SRSF11: variants seen among roughly 807,000 people sequenced by gnomAD.
The protein encoded by SRSF11 is serine/arginine-rich splicing factor 11.
Under a neutral mutation model 56.0 loss-of-function variants are expected in SRSF11, and 9 were observed. That is an observed-to-expected ratio of 0.16 (90% CI 0.10 to 0.28). The LOEUF is 0.28. Ranked by LOEUF, SRSF11 falls within the 10% of genes least tolerant of loss-of-function variation. SRSF11 has a pLI of 1.00. For synonymous variants in SRSF11, 222 were observed against 215.3 expected (o/e 1.03, Z -0.27); for missense variants, 421 against 600.7 (o/e 0.70, Z 3.13).
chr1:70,236,695 A>G (rs547082594), intron 5 of SRSF11, among the ~76,000 whole-genome samples: 2 of 149,842 alleles, frequency 1.3e-5, no homozygotes, highest in Non-Finnish European at 3.0e-5. Context: ...TCAAGACTTC[A>G]TGTGTAATTT....
In SRSF11 at chr1:70,234,744, G is replaced by A; in HGVS notation, c.496G>A (p.Ala166Thr). ...TTTGGGGGCTCCTACTCTTGATCCT[G>A]CCCTTGCTGCACTTGGGCTTCCTGG... ...AALGAPTLDP[A>T]LAALGLPGAN... is the part of the protein sequence containing the mutation. The change falls in exon 4 of 12, where the codon GCC becomes ACC. Residue 166 changes from alanine (A) to threonine (T), a missense_variant. This residue lies in a region of SRSF11 where 168 missense variants were observed against 294.9 expected (regional missense o/e 0.57). Transcript: ENST00000370949. 6.2e-7 allele frequency: 1 copy of A among 1,610,682 alleles called. No individual in the cohort carries two copies. The highest frequency in any genetic ancestry group is 8.5e-7 in the Non-Finnish European group (1 of 1,178,314).
Position 70,221,799 on chromosome 1 carries a change from T to A in SRSF11, c.163T>A (p.Phe55Ile). The A allele has an allele frequency of 6.2e-7, 1 of 1,614,080 alleles. No individual in the cohort carries two copies. The highest frequency in any genetic ancestry group is 8.5e-7 in the Non-Finnish European group (1 of 1,180,030). The change falls in exon 1 of 12, where the codon TTC (phenylalanine) becomes ATC (isoleucine). Residue 55 changes from phenylalanine to isoleucine, a missense_variant. Physicochemically the swap from Phe to Ile is conservative, Grantham distance 21. Coordinates refer to ENST00000370949, the MANE Select transcript of SRSF11 (RefSeq NM_001350605.2). ...TGAGCAGATGCGGACTCTCTTCGGTTTCCTAGGCAAGATCGACGAACTGCG... is the reference window on the plus strand; with the variant it reads ...TGAGCAGATGCGGACTCTCTTCGGTATCCTAGGCAAGATCGACGAACTGCG... ...SSEQMRTLFG[F>I]LGKIDELRLF... is the part of the protein sequence containing the mutation.
At chr1:70,241,333 ACT>A (rs1349035205) in intron 7 of SRSF11, among the ~76,000 whole-genome samples, 5 of 151,960 alleles carry the variant, frequency 3.3e-5, no homozygotes, top group Admixed American at 3.3e-4. Context: ...TGATCTTTTC[ACT>A]CTGTTTTTAT....
intron 2 of SRSF11, chr1:70,228,835 T>A: frequency 9.1e-7 from 1 of 1,093,546 alleles, no homozygotes; most frequent in African/African-American, 1.7e-5. Context: ...ATACATCTAC[T>A]TAGTTAATTT....
At chr1:70,237,388 A>C in intron 5 of SRSF11, 37 bp from the exon 6 acceptor site, 1 of 1,603,810 alleles carries the variant, frequency 6.2e-7, no homozygotes, top group Non-Finnish European at 8.5e-7. Flanking sequence ...TGTGCATTTT[A>C]AAATATTTCA....
In SRSF11 at chr1:70,221,702, AGGT is replaced by A. The variant is rs747577652; in HGVS notation, c.75_77del (p.Gly31del). The A allele has an allele frequency of 8.7e-6, 14 of 1,611,074 alleles. No individual in the cohort carries two copies. Among genetic ancestry groups the A allele is most frequent in the South Asian group, 4.4e-5 (4 of 90,842 alleles). On this transcript the variant is annotated inframe_deletion, in exon 1 of 12. Coordinates refer to ENST00000370949, the MANE Select transcript of SRSF11 (RefSeq NM_001350605.2). ...GCCCCAGCGGCGGGCCCGGTGGCGG[AGGT>A]GGTGGTGGCGGCGGAGGCGGCGGCA... is the stretch of plus-strand genomic sequence containing the variant.
chr1:70,237,970 T>A (rs754123042), intron 6 of SRSF11, among the ~76,000 whole-genome samples: 4 of 152,224 alleles, frequency 2.6e-5, no homozygotes, highest in Admixed American at 6.5e-5. Context: ...ATGATATTTC[T>A]TTAAAGAAAA....
Position 70,229,407 on chromosome 1 carries a change from G to A in SRSF11, c.337+852G>A, listed in dbSNP as rs1672451362. 7.4e-6 allele frequency: 8 copies of A among 1,075,692 alleles called. No individual in the cohort carries two copies. The South Asian group carries it at 1.7e-4, about 23-fold the overall frequency. The allele number at this position is 1,075,692 out of a possible 1,614,324, so 66.6% of individuals were successfully genotyped here. The stretch of plus-strand genomic sequence containing the variant: ...TTAAAGTAATTTGACAGAAAAAAAT[G>A]AGCAGGTTTTTTGGATCTAAAAAGC... On this transcript the variant is annotated intron_variant, in intron 2 of 11. Transcript: ENST00000370949.
At chr1:70,249,095 G>A (rs537204893) in intron 9 of SRSF11, 1 of 152,108 alleles carries the variant, frequency 6.6e-6, no homozygotes, top group South Asian at 2.1e-4. Context: ...AGGAGGGGAA[G>A]GCTGTATATC....
intron 10 of SRSF11, 90 bp from the exon 11 acceptor site, chr1:70,250,275 T>G (rs1230817995): frequency 6.4e-7 from 1 of 1,550,818 alleles, no homozygotes; most frequent in Admixed American, 2.1e-5. Flanking sequence ...AGTTGGATCT[T>G]TGCTGTACTA....
At chr1:70,217,569 C>A (rs1281118295), upstream of SRSF11, among the ~76,000 whole-genome samples, 1 of 152,126 alleles carries the variant, frequency 6.6e-6, no homozygotes, top group Admixed American at 6.5e-5. Context: ...ATCCTTGGAA[C>A]AGATTTACGT....
At chr1:70,226,590 C>T (rs1671839396) in intron 1 of SRSF11, among the ~76,000 whole-genome samples, 1 of 152,110 alleles carries the variant, frequency 6.6e-6, no homozygotes, top group Non-Finnish European at 1.5e-5. Flanking sequence ...TGGTAGAGGT[C>T]AGTTTTAAGA....
chr1:70,236,202 T>A (rs974795368), intron 5 of SRSF11, among the ~76,000 whole-genome samples: 1 of 152,162 alleles, frequency 6.6e-6, no homozygotes, highest in Non-Finnish European at 1.5e-5. Flanking sequence ...TCACCCAGCT[T>A]ATAAAATAAA....
rs1381256340 is a variant in SRSF11 at position 70,246,803 on chromosome 1, G to A, written c.933-15G>A. ...GAGTCTTCTAATGCATTCATAAATT[G>A]TGTTCATTTGTTAGAGACAAAAAGA... On this transcript the variant is annotated splice_polypyrimidine_tract_variant and intron_variant, in intron 8 of 11. Coordinates refer to ENST00000370949, the MANE Select transcript of SRSF11 (RefSeq NM_001350605.2). 4 of 1,575,872 alleles carry A rather than the reference G, an allele frequency of 2.5e-6. No homozygotes were observed. The East Asian group carries it at 9.0e-5, about 35-fold the overall frequency.
At chr1:70,248,582 A>G (rs1411871619) in intron 9 of SRSF11, 2 of 152,166 alleles carry the variant, frequency 1.3e-5, no homozygotes, top group East Asian at 3.8e-4. Context: ...GAAATGCTGA[A>G]TCAGGCCTGA....
At chr1:70,216,226 G>C (rs947895352) in intron 1 of SRSF11, among the ~76,000 whole-genome samples, 1 of 152,054 alleles carries the variant, frequency 6.6e-6, no homozygotes, top group African/African-American at 2.4e-5. Flanking sequence ...AAGCCTCATT[G>C]TCTAATATTA....
chr1:70,215,733 T>C (rs770807142), intron 1 of SRSF11, among the ~76,000 whole-genome samples: 25 of 152,232 alleles, frequency 1.6e-4, no homozygotes, highest in Non-Finnish European at 3.5e-4. Flanking sequence ...TTTATCCAAC[T>C]GCAAACAGGG....
At position 70,252,908 on chromosome 1, in the gene SRSF11, T is replaced by C. The variant is rs1373819200; in HGVS notation, c.*2103T>C. On this transcript the variant is annotated 3_prime_UTR_variant, in exon 12 of 12. Coordinates refer to ENST00000370949, the MANE Select transcript of SRSF11 (RefSeq NM_001350605.2). ...TTAGGATATTTATTTTCAGTGAACA[T>C]TTTCTGCACAAAGGTAGTGTTGCAC... 2 of 152,194 alleles carry C rather than the reference T, an allele frequency of 1.3e-5. No individual in the cohort carries two copies. Among genetic ancestry groups the C allele is most frequent in the Non-Finnish European group, 2.9e-5 (2 of 68,040 alleles). 9.4% of individuals were successfully genotyped at this position (152,194 alleles called of 1,614,324 possible). A position where few individuals can be genotyped will look rare whatever the true frequency, so the allele number is the denominator to read the frequency against.
chr1:70,230,659 T>A (rs1399145079), intron 2 of SRSF11: 3 of 1,255,002 alleles, frequency 2.4e-6, no homozygotes, highest in Admixed American at 2.9e-5. Context: ...TAGTTTTATT[T>A]TTAAATAGTC....
Sources: allele counts gnomAD v4.1 joint callset (sites outside exome capture counted in the v4.1 genomes callset), GRCh38; gene constraint gnomAD v4.1.1; regional missense constraint gnomAD v4.1.1; transcripts MANE v1.5; gene names NCBI Gene and HGNC (gene_info 2026-07-23, HGNC 2026-07-21).